CIB2: variants seen among roughly 807,000 people sequenced by gnomAD.
The protein encoded by CIB2 is calcium and integrin-binding family member 2.
In CIB2, 19 loss-of-function variants were observed where a neutral mutation model predicts 23.1. The observed-to-expected ratio is 0.82, with a 90% CI of 0.57 to 1.21. The LOEUF (loss-of-function observed/expected upper bound fraction) is 1.21. Ranked by LOEUF, CIB2 falls within the 50% of genes most tolerant of loss-of-function variation. The probability of loss-of-function intolerance (pLI) is 0.00; values close to 1 mark genes in which losing one functional copy is unlikely to be tolerated. For missense variants in CIB2, 220 were observed against 241.5 expected, an observed-to-expected ratio of 0.91 and a Z score of 0.59; for synonymous variants, 94 against 91.7, an observed-to-expected ratio of 1.03 and a Z score of -0.14.
chr15:78,122,510 G>A (rs969495821), intron 2 of CIB2, among the ~76,000 whole-genome samples: 5 of 152,320 alleles, frequency 3.3e-5, no homozygotes, highest in East Asian at 1.9e-4. Flanking sequence ...TTCCAATACC[G>A]AGAGCCATCC....
At chr15:78,106,752 C>T (rs1043780613) in intron 4 of CIB2, among the ~76,000 whole-genome samples, 2 of 152,092 alleles carry the variant, frequency 1.3e-5, no homozygotes, top group Non-Finnish European at 2.9e-5. Context: ...CTCCCAGTGG[C>T]GGGGCTTTCT....
chr15:78,110,524 C>T, intron 3 of CIB2: 1 of 394,618 alleles, frequency 2.5e-6, no homozygotes, highest in Non-Finnish European at 5.1e-6. Context: ...CTGACGAAGT[C>T]CCACTGCAAT....
At chr15:78,123,627 C>T (rs2074346679) in intron 2 of CIB2, 78 bp downstream of exon 2, 1 of 1,478,404 alleles carries the variant, frequency 6.8e-7, no homozygotes, top group Non-Finnish European at 9.5e-7. Flanking sequence ...AGGAGCACAG[C>T]CAGCCCATGT....
intron 3 of CIB2, chr15:78,109,614 C>T: frequency 1.8e-6 from 1 of 564,940 alleles, no homozygotes; most frequent in South Asian, 2.0e-5. Context: ...CATGTAAGAG[C>T]TCAGGAAGCA....
intron 4 of CIB2, 101 bp from the exon 5 acceptor site, chr15:78,106,035 G>T: frequency 1.1e-6 from 1 of 898,228 alleles, no homozygotes; most frequent in Non-Finnish European, 1.8e-6. Flanking sequence ...ACCTCCACCA[G>T]CTTCTGATGT....
At chr15:78,107,756 T>C (rs1000560892) in intron 4 of CIB2, among the ~76,000 whole-genome samples, 1 of 152,244 alleles carries the variant, frequency 6.6e-6, no homozygotes, top group African/African-American at 2.4e-5. Context: ...GCTTTTTACA[T>C]GAGCCATGTG....
At chr15:78,127,717 C>G (rs2074399673) in intron 1 of CIB2, among the ~76,000 whole-genome samples, 1 of 152,220 alleles carries the variant, frequency 6.6e-6, no homozygotes, top group South Asian at 2.1e-4. Context: ...GCCCTCCCAG[C>G]TCTAATGGAA....
intron 2 of CIB2, 110 bp downstream of exon 2, chr15:78,123,595 G>A: frequency 8.9e-7 from 1 of 1,121,096 alleles, no homozygotes. Context: ...CCTGATACAT[G>A]CTGATGCTCT....
At chr15:78,107,149 G>A (rs1227887166) in intron 4 of CIB2, among the ~76,000 whole-genome samples, 2 of 152,096 alleles carry the variant, frequency 1.3e-5, no homozygotes, top group Non-Finnish European at 2.9e-5. Flanking sequence ...GCAGGAGAAT[G>A]GCGTGAACCC....
intron 2 of CIB2, among the ~76,000 whole-genome samples, chr15:78,122,488 A>T (rs1396281379): frequency 6.6e-6 from 1 of 152,218 alleles, no homozygotes; most frequent in African/African-American, 2.4e-5. Flanking sequence ...GCCAGGGGTG[A>T]CAGCTTTGTT....
rs369854897 is a variant in CIB2, at chr15:78,131,271, C to T, written c.-56G>A. On this transcript the variant is annotated 5_prime_UTR_variant, in exon 1 of 6. Transcript: ENST00000258930. This position sits in a 1 kb window ranked among gnomAD's most constrained non-coding sequence, Gnocchi z 5.8. ...GGGCTCCGACTCCCATCAGCGGCCG[C>T]CAGACCCGGAGCCAGCGCCCCGTGC... 1,244 of 1,344,056 alleles carry T rather than the reference C, an allele frequency of 9.3e-4. 25 individuals are homozygous for T. In the East Asian group the frequency reaches 0.029, roughly 32 times the overall value. The allele number at this position is 1,344,056 out of a possible 1,614,324, so 83.3% of individuals were successfully genotyped here. A position where few individuals can be genotyped will look rare whatever the true frequency, so the allele number is the denominator to read the frequency against.
At chr15:78,129,564 T>C (rs960670212) in intron 1 of CIB2, among the ~76,000 whole-genome samples, 1 of 152,068 alleles carries the variant, frequency 6.6e-6, no homozygotes, top group Non-Finnish European at 1.5e-5. Flanking sequence ...TCAAGTGCTG[T>C]ATCGTTTCTG....
At chr15:78,110,381 G>A (rs923574192) in intron 3 of CIB2, among the ~76,000 whole-genome samples, 1 of 152,208 alleles carries the variant, frequency 6.6e-6, no homozygotes, top group African/African-American at 2.4e-5. Context: ...ACGGGGTGCT[G>A]GTCCAGGGCT....
rs1402920221 is a variant in CIB2, at chr15:78,112,914, A to T, written c.87-1638T>A. ...CTGACTACTTACCCAGCTCAAACAG[A>T]TAATAACACCAGCTATCGTTTAGCA... On this transcript the variant is annotated intron_variant, in intron 2 of 5. Coordinates refer to ENST00000258930, the MANE Select transcript of CIB2 (RefSeq NM_006383.4). Among the ~76,000 whole-genome samples the T allele has an allele frequency of 3.3e-5, 5 of 152,178 alleles. No individual in the cohort carries two copies. In the South Asian group the frequency reaches 8.3e-4, roughly 25 times the overall value.
rs1213108644 is a variant in CIB2, at chr15:78,131,445, G to A, written c.-230C>T. ...AGCGACTCCGCCGCCGGCGGGAAGA[G>A]GGCGGGGCACCCGGCTCCGCGGCTG... is the stretch of plus-strand genomic sequence containing the variant. On this transcript the variant is annotated 5_prime_UTR_variant, in exon 1 of 6. Coordinates refer to ENST00000258930, the MANE Select transcript of CIB2 (RefSeq NM_006383.4). The surrounding 1 kb of genome is among the most constrained non-coding windows in gnomAD (Gnocchi z 5.8). 5.6e-6 allele frequency: 1 copy of A among 179,290 alleles called. No individual in the cohort carries two copies. Among genetic ancestry groups the A allele is most frequent in the Non-Finnish European group, 1.1e-5 (1 of 88,998 alleles). 11.1% of individuals were successfully genotyped at this position (179,290 alleles called of 1,614,324 possible).
Position 78,111,179 on chromosome 15 carries a change from T to G in CIB2, c.184A>C (p.Met62Leu). ...VHVPMSLIIQ[M>L]PELRENPFKE... ...CCTGCACATACCCGGAGCTCTGGCA[T>G]CTGGATGATGAGGCTCATGGGCACG... Residue 62 changes from methionine (M) to leucine (L), a missense_variant, in exon 3 of 6, where the codon ATG becomes CTG. Met to Leu is a conservative substitution (Grantham distance 15). Coordinates refer to ENST00000258930, the MANE Select transcript of CIB2 (RefSeq NM_006383.4). The G allele has an allele frequency of 6.2e-7, 1 of 1,614,080 alleles. No individual in the cohort carries two copies. The highest frequency in any genetic ancestry group is 8.5e-7 in the Non-Finnish European group (1 of 1,179,960).
intron 2 of CIB2, among the ~76,000 whole-genome samples, chr15:78,112,166 G>A (rs899838664): frequency 6.6e-6 from 1 of 151,848 alleles, no homozygotes; most frequent in African/African-American, 2.4e-5. Context: ...CTTCCTCCCC[G>A]CCCCCTGCCC....
At chr15:78,118,165 T>A (rs536921804) in intron 2 of CIB2, among the ~76,000 whole-genome samples, 73 of 152,322 alleles carry the variant, frequency 4.8e-4, no homozygotes, top group East Asian at 2.3e-3. Context: ...CCATTTTTTT[T>A]AAAAAAGCTT....
intron 2 of CIB2, among the ~76,000 whole-genome samples, chr15:78,118,197 A>G (rs1200502246): frequency 6.6e-6 from 1 of 152,212 alleles, no homozygotes; most frequent in South Asian, 2.1e-4. Flanking sequence ...TATACTCACA[A>G]AAAGAAAGAC....
Sources: gnomAD v4.1 joint callset for allele counts (sites outside exome capture counted in the v4.1 genomes callset) on GRCh38, gnomAD v4.1.1 for gene constraint, Gnocchi (gnomAD v3.1) non-coding constraint, MANE v1.5 for transcripts, NCBI Gene and HGNC (gene_info 2026-07-23, HGNC 2026-07-21) for gene names.